The following HMCN1 variants were observed in gnomAD, a reference collection of about 807,000 sequenced individuals.
HMCN1 encodes hemicentin-1.
HMCN1 carries 321 observed loss-of-function variants against 625.9 expected under a neutral mutation model. The observed-to-expected ratio is 0.51, with a 90% confidence interval of 0.47 to 0.56. The LOEUF (loss-of-function observed/expected upper bound fraction) is 0.56. HMCN1 is among the 20% of genes least tolerant of loss of function. The probability of loss-of-function intolerance (pLI) is 0.00; values close to 1 mark genes in which losing one functional copy is unlikely to be tolerated. For synonymous variants in HMCN1, 2,425 were observed against 2,417.6 expected, an observed-to-expected ratio of 1.00 and a Z score of -0.09; for missense variants, 6,588 against 6,887.3, an observed-to-expected ratio of 0.96 and a Z score of 1.54.
chr1:185,925,051 TCCCAAAGTTACGATGCCTGAGAAAAC>T lies in HMCN1; in HGVS notation c.1295_1320del (p.Lys432ArgfsTer14). The stretch of plus-strand genomic sequence containing the variant: ...TGTTTTTGTTTTTTTTCCTAGATGC[TCCCAAAGTTACGATGCCTGAGAAAAC>T]CCCAGGATACTATCTGCAGCCGGGC... On this transcript the variant is annotated frameshift_variant, in exon 9 of 107. Coordinates refer to ENST00000271588, the MANE Select transcript of HMCN1 (RefSeq NM_031935.3). LOFTEE classifies it high-confidence loss of function. 1 of 1,610,722 alleles carries T rather than the reference TCCCAAAGTTACGATGCCTGAGAAAAC, an allele frequency of 6.2e-7. No individual in the cohort carries two copies. Among genetic ancestry groups the T allele is most frequent in the Non-Finnish European group, 8.5e-7 (1 of 1,177,942 alleles).
Position 186,189,883 on chromosome 1 carries a change from C to T in HMCN1, c.*5C>T, listed in dbSNP as rs759357384. 1 of 1,613,204 alleles carries T rather than the reference C, an allele frequency of 6.2e-7. No homozygotes were observed. Among genetic ancestry groups the T allele is most frequent in the East Asian group, 2.2e-5 (1 of 44,874 alleles). ...GTGTCCGCCTATCCATACTAAGGAA[C>T]TCTCCAAAGCCTATTCCACATATTT... On this transcript the variant is annotated 3_prime_UTR_variant, in exon 107 of 107. Transcript: ENST00000271588.
chr1:185,814,082 G>T (rs888052401), intron 1 of HMCN1, among the ~76,000 whole-genome samples: 1 of 152,116 alleles, frequency 6.6e-6, no homozygotes, highest in Non-Finnish European at 1.5e-5. Context: ...ATTCTAAAAA[G>T]TGAAACAAAG....
In HMCN1 at chr1:185,776,692, G is replaced by A. The variant is rs567556380; in HGVS notation, c.268+41645G>A. ...AGTGGAAAAAATATATATGCTTTTA[G>A]CATCACAGATGCTTCATTTATTCTG... On this transcript the variant is annotated intron_variant, in intron 1 of 106. Coordinates refer to ENST00000271588, the MANE Select transcript of HMCN1 (RefSeq NM_031935.3). Among the ~76,000 whole-genome samples, 15 of 152,158 alleles carry A rather than the reference G, an allele frequency of 9.9e-5. No homozygotes were observed. In the South Asian group the frequency reaches 2.5e-3, roughly 25 times the overall value.
chr1:186,119,660 TG>T, intron 78 of HMCN1, 84 bp from the exon 79 acceptor site: 1 of 1,305,460 alleles, frequency 7.7e-7, no homozygotes, highest in Non-Finnish European at 1.1e-6. Flanking sequence ...ATTATGAATT[TG>T]GGTATTTTTA....
chr1:185,815,372 C>T (rs1423918380), intron 1 of HMCN1, among the ~76,000 whole-genome samples: 1 of 150,078 alleles, frequency 6.7e-6, no homozygotes, highest in Non-Finnish European at 1.5e-5. Flanking sequence ...AAATAAGTTA[C>T]TCTTATTTTC....
intron 11 of HMCN1, among the ~76,000 whole-genome samples, chr1:185,946,479 T>A (rs983533686): frequency 6.6e-6 from 1 of 152,200 alleles, no homozygotes; most frequent in African/African-American, 2.4e-5. Flanking sequence ...TTGCCACTCT[T>A]TTCTAAGCCA....
chr1:186,140,693 T>G (rs4650695), intron 89 of HMCN1, among the ~76,000 whole-genome samples: 1 of 151,888 alleles, frequency 6.6e-6, no homozygotes, highest in African/African-American at 2.4e-5. Context: ...CTTGAATCAG[T>G]TATTACTATG....
At chr1:186,056,325 A>G (rs1329994821) in intron 45 of HMCN1, among the ~76,000 whole-genome samples, 1 of 152,036 alleles carries the variant, frequency 6.6e-6, no homozygotes, top group Non-Finnish European at 1.5e-5. Flanking sequence ...TCACAACACA[A>G]AAGGGAAGAT....
chr1:186,109,163 C>T (rs1203893370), intron 71 of HMCN1, among the ~76,000 whole-genome samples: 1 of 152,190 alleles, frequency 6.6e-6, no homozygotes, highest in African/African-American at 2.4e-5. Flanking sequence ...CCACTGAAAG[C>T]TTTGACTTTG....
intron 4 of HMCN1, among the ~76,000 whole-genome samples, chr1:185,874,228 T>A (rs1021145669): frequency 5.9e-5 from 9 of 152,184 alleles, no homozygotes; most frequent in East Asian, 5.8e-4. Context: ...AGCAGTTCCA[T>A]GAAAATATTA....
At chr1:186,038,774 T>C in intron 37 of HMCN1, 55 bp from the exon 38 acceptor site, 1 of 966,800 alleles carries the variant, frequency 1.0e-6, no homozygotes, top group Non-Finnish European at 1.7e-6. Flanking sequence ...TCCAACTTAG[T>C]ATATTTAATT....
chr1:186,011,080 C>CT (rs1653971668), intron 30 of HMCN1, among the ~76,000 whole-genome samples: 1 of 152,034 alleles, frequency 6.6e-6, no homozygotes, highest in East Asian at 1.9e-4. Context: ...GGGAGTCTCG[C>CT]TGTCACCCAG....
intron 4 of HMCN1, among the ~76,000 whole-genome samples, chr1:185,903,301 T>C (rs564175308): frequency 1.2e-3 from 181 of 151,902 alleles, no homozygotes; most frequent in African/African-American, 4.1e-3. Context: ...TGGGTGCTCA[T>C]TGAGTTGAAA....
intron 2 of HMCN1, among the ~76,000 whole-genome samples, chr1:185,860,905 G>C (rs1051110956): frequency 1.3e-5 from 2 of 151,974 alleles, no homozygotes; most frequent in Non-Finnish European, 2.9e-5. Flanking sequence ...TACAGAAAAG[G>C]TTGTTGACCA....
In HMCN1 at chr1:186,178,723, A is replaced by C. The variant is rs1358328331; in HGVS notation, c.16251A>C (p.Lys5417Asn). 6.2e-7 allele frequency: 1 copy of C among 1,614,110 alleles called. No homozygotes were observed. Among genetic ancestry groups the C allele is most frequent in the Admixed American group, 1.7e-5 (1 of 60,016 alleles). The change falls in exon 104 of 107, where the codon AAA (lysine) becomes AAC (asparagine). Residue 5417 changes from lysine to asparagine, a missense_variant. Around this residue, in one of 3 missense-constraint regions of HMCN1, gnomAD observed 1,954 missense variants for 2,013.1 expected, o/e 0.97. Transcript: ENST00000271588. ...CCAGGACTAGAAGGACTATTAGGAA[A>C]ACTTGCCCTGAAGGCTCTGAGGCAA... ...SLSRTRRTIR[K>N]TCPEGSEASH...
chr1:185,892,036 T>C (rs927661612), intron 4 of HMCN1, among the ~76,000 whole-genome samples: 3 of 151,474 alleles, frequency 2.0e-5, no homozygotes, highest in Admixed American at 6.6e-5. Context: ...CTCTAAACTT[T>C]CCTTCTCGCT....
chr1:186,115,555 G>A lies in HMCN1; in HGVS notation c.11561+141G>A, dbSNP rs1661096146. The stretch of plus-strand genomic sequence containing the variant: ...ATAGAGGGTTTTTTTCCTTAATATG[G>A]ACTTAGTTTTTCAGCCTAAAATATT... On this transcript the variant is annotated intron_variant, in intron 75 of 106. Transcript: ENST00000271588. The A allele has an allele frequency of 2.4e-5, 19 of 787,730 alleles. No individual in the cohort carries two copies. In the East Asian group the frequency reaches 4.8e-4, roughly 20 times the overall value. The allele number at this position is 787,730 out of a possible 1,614,324, so 48.8% of individuals were successfully genotyped here. A position where few individuals can be genotyped will look rare whatever the true frequency, so the allele number is the denominator to read the frequency against.
intron 91 of HMCN1, among the ~76,000 whole-genome samples, 161 bp downstream of exon 91, chr1:186,144,864 T>C (rs915140506): frequency 6.6e-6 from 1 of 152,248 alleles, no homozygotes; most frequent in African/African-American, 2.4e-5. Flanking sequence ...ATACCCTAGA[T>C]GTCTTCGATT....
intron 24 of HMCN1, 27 bp downstream of exon 24, chr1:185,995,114 G>T: frequency 6.2e-7 from 1 of 1,606,860 alleles, no homozygotes; most frequent in Non-Finnish European, 8.5e-7. Flanking sequence ...GAAAATATAT[G>T]TATGTAGGGT....
Sources: gnomAD v4.1 joint callset for allele counts (sites outside exome capture counted in the v4.1 genomes callset) on GRCh38, gnomAD v4.1.1 for gene constraint, gnomAD v4.1.1 regional missense constraint, MANE v1.5 for transcripts, NCBI Gene and HGNC (gene_info 2026-07-23, HGNC 2026-07-21) for gene names.